RASGRP3: variants seen among roughly 807,000 people sequenced by gnomAD.
RASGRP3 encodes the protein RAS guanyl releasing protein 3.
RASGRP3 carries 54 observed loss-of-function variants against 82.7 expected under a neutral mutation model. The observed-to-expected ratio is 0.65, with a 90% CI of 0.52 to 0.82. The LOEUF is 0.82. Among genes scored for constraint, RASGRP3 ranks in the 40% least tolerant of loss-of-function variants. The probability of loss-of-function intolerance (pLI) is 0.00; values close to 1 mark genes in which losing one functional copy is unlikely to be tolerated. For missense variants in RASGRP3, 861 were observed against 828.9 expected (o/e 1.04, Z -0.48); for synonymous variants, 309 against 300.5 (o/e 1.03, Z -0.29).
Position 33,558,274 on chromosome 2 carries a change from C to G in RASGRP3, c.1643C>G (p.Ala548Gly), listed in dbSNP as rs1343701557. The G allele has an allele frequency of 6.2e-7, 1 of 1,613,306 alleles. No homozygotes were observed. Among genetic ancestry groups the G allele is most frequent in the Admixed American group, 1.7e-5 (1 of 59,898 alleles). The change falls in exon 16 of 18, where the codon GCC becomes GGC. Residue 548 changes from alanine (A) to glycine (G), a missense_variant. By Grantham distance (60) the Ala-to-Gly change is moderately conservative. Coordinates refer to ENST00000403687, the MANE Select transcript of RASGRP3 (RefSeq NM_001139488.2). Reference protein sequence around the residue: ...DLLVLACRRFARAPSLSSGHG... With the variant: ...DLLVLACRRFGRAPSLSSGHG... ...CTGGTTCTGGCCTGCAGGAGATTTG[C>G]CCGGGCGCCCTCCTTGAGCAGTGGT... is the stretch of plus-strand genomic sequence containing the variant.
At chr2:33,505,290 G>A (rs1015994568) in intron 1 of RASGRP3, among the ~76,000 whole-genome samples, 4 of 149,804 alleles carry the variant, frequency 2.7e-5, no homozygotes, top group Non-Finnish European at 4.4e-5. Context: ...CATTAGGACC[G>A]CAGACAGGAT....
At chr2:33,548,381 A>AAAAAAG (rs764069871) in intron 13 of RASGRP3, among the ~76,000 whole-genome samples, 3,982 of 127,428 alleles carry the variant, frequency 0.031, 250 homozygotes, top group Admixed American at 0.061. Context: ...AAAAAAAAAA[A>AAAAAAG]AAGAAGGTAG....
Position 33,539,091 on chromosome 2 carries a change from C to G in RASGRP3, c.1162-3C>G. Reference sequence around the variant, plus strand: ...AATATGTGGTTTTTTTTTTGTTTATCAGCAGCCTACCTCCCCTACGACGCC... The same window carrying G: ...AATATGTGGTTTTTTTTTTGTTTATGAGCAGCCTACCTCCCCTACGACGCC... On this transcript the variant is annotated splice_region_variant and splice_polypyrimidine_tract_variant and intron_variant, in intron 11 of 17. Transcript: ENST00000403687. 1 of 1,558,486 alleles carries G rather than the reference C, an allele frequency of 6.4e-7. No individual in the cohort carries two copies. The highest frequency in any genetic ancestry group is 8.7e-7 in the Non-Finnish European group (1 of 1,149,524).
Position 33,506,879 on chromosome 2 carries a change from G to A in RASGRP3, c.-260-4831G>A, listed in dbSNP as rs73926685. ...GAATGAACTTTGCCATAAGCACCAG[G>A]CCCATTTCTTATATTCATACTATCC... is the stretch of plus-strand genomic sequence containing the variant. On this transcript the variant is annotated intron_variant, in intron 1 of 17. Coordinates refer to ENST00000403687, the MANE Select transcript of RASGRP3 (RefSeq NM_001139488.2). Among the ~76,000 whole-genome samples, 1,039 of 152,242 alleles carry A rather than the reference G, an allele frequency of 6.8e-3. 14 individuals carry two copies. The highest frequency in any genetic ancestry group is 0.024 in the African/African-American group (1,002 of 41,540).
chr2:33,462,393 T>C (rs1293641554), intron 2 of RASGRP3, among the ~76,000 whole-genome samples: 1 of 151,600 alleles, frequency 6.6e-6, no homozygotes, highest in Non-Finnish European at 1.5e-5. Flanking sequence ...TCTTTTTTTT[T>C]TTTTAAGACA....
intron 2 of RASGRP3, among the ~76,000 whole-genome samples, chr2:33,457,801 C>T (rs1182840794): frequency 6.6e-6 from 1 of 152,006 alleles, no homozygotes; most frequent in Non-Finnish European, 1.5e-5. Flanking sequence ...TGTTCTTAAC[C>T]CTCACCACAC....
chr2:33,523,844 T>C (rs1365499477), intron 7 of RASGRP3, 35 bp from the exon 8 acceptor site: 2 of 1,557,422 alleles, frequency 1.3e-6, no homozygotes, highest in East Asian at 2.3e-5. Context: ...AAAGGCTCTA[T>C]TATAATTCAG....
intron 17 of RASGRP3, among the ~76,000 whole-genome samples, chr2:33,560,604 G>A (rs1031927994): frequency 6.6e-6 from 1 of 152,238 alleles, no homozygotes; most frequent in Admixed American, 6.5e-5. Flanking sequence ...TGTGCAAGAA[G>A]ATTTTCTGGA....
At chr2:33,562,015 G>C (rs1383956517) in intron 17 of RASGRP3, among the ~76,000 whole-genome samples, 1 of 152,038 alleles carries the variant, frequency 6.6e-6, no homozygotes, top group Non-Finnish European at 1.5e-5. Flanking sequence ...AAATAAAATG[G>C]AATATGTTTA....
At chr2:33,462,018 A>T (rs540540434) in intron 2 of RASGRP3, among the ~76,000 whole-genome samples, 1 of 152,248 alleles carries the variant, frequency 6.6e-6, no homozygotes, top group Non-Finnish European at 1.5e-5. Context: ...ATAACCTGGT[A>T]ATTAAAGTGA....
chr2:33,514,898 TGTACAAAGA>T, intron 2 of RASGRP3, 103 bp from the exon 3 acceptor site: 1 of 502,240 alleles, frequency 2.0e-6, no homozygotes. Context: ...ATACTTTTCT[TGTACAAAGA>T]TACAGTCTAT....
chr2:33,445,145 C>T (rs1353863839), intron 1 of RASGRP3, among the ~76,000 whole-genome samples: 1 of 152,220 alleles, frequency 6.6e-6, no homozygotes, highest in African/African-American at 2.4e-5. Context: ...CTTGGGGACT[C>T]TCATGCCAGT....
Position 33,558,076 on chromosome 2 carries a change from G to C in RASGRP3, c.1580-135G>C, listed in dbSNP as rs776078440. 1.6e-4 allele frequency: 186 copies of C among 1,188,926 alleles called. 1 individual carries two copies. The highest frequency in any genetic ancestry group is 1.9e-4 in the Non-Finnish European group (161 of 843,180). 73.6% of individuals were successfully genotyped at this position (1,188,926 alleles called of 1,614,324 possible). A position where few individuals can be genotyped will look rare whatever the true frequency, so the allele number is the denominator to read the frequency against. On this transcript the variant is annotated intron_variant, in intron 15 of 17. Coordinates refer to ENST00000403687, the MANE Select transcript of RASGRP3 (RefSeq NM_001139488.2). ...TTCCAGATCCTAGACACACCCCATG[G>C]GCCTGAGCTCAACTCTGAAATTCAA...
At chr2:33,442,754 A>G (rs1177334448) in intron 1 of RASGRP3, among the ~76,000 whole-genome samples, 1 of 152,248 alleles carries the variant, frequency 6.6e-6, no homozygotes. Context: ...GAAAACAATT[A>G]TGGGCAGACA....
intron 2 of RASGRP3, among the ~76,000 whole-genome samples, chr2:33,455,328 G>A (rs559934235): frequency 6.6e-6 from 1 of 152,232 alleles, no homozygotes; most frequent in South Asian, 2.1e-4. Context: ...GTAATGTTCT[G>A]GACTCAGTTA....
chr2:33,560,818 G>A (rs994165625), intron 17 of RASGRP3, among the ~76,000 whole-genome samples: 1 of 152,152 alleles, frequency 6.6e-6, no homozygotes, highest in Non-Finnish European at 1.5e-5. Flanking sequence ...AGTGAAATTG[G>A]CCATGAGCTC....
At chr2:33,466,079 C>T (rs868664622) in intron 2 of RASGRP3, among the ~76,000 whole-genome samples, 1 of 152,014 alleles carries the variant, frequency 6.6e-6, no homozygotes, top group Non-Finnish European at 1.5e-5. Flanking sequence ...TGTTTTTATG[C>T]CTGCTAACAC....
intron 1 of RASGRP3, among the ~76,000 whole-genome samples, chr2:33,447,259 A>G (rs990255900): frequency 6.6e-6 from 1 of 152,164 alleles, no homozygotes; most frequent in African/African-American, 2.4e-5. Flanking sequence ...GAGATTATGT[A>G]TGTAGCCCAA....
intron 1 of RASGRP3, chr2:33,481,230 C>G (rs1443178570): frequency 6.6e-6 from 1 of 151,962 alleles, no homozygotes; most frequent in Non-Finnish European, 1.5e-5. Context: ...GGCACGATCT[C>G]GGCTCACTGC....
Sources: gnomAD v4.1 joint callset for allele counts (sites outside exome capture counted in the v4.1 genomes callset) on GRCh38, gnomAD v4.1.1 for gene constraint, MANE v1.5 for transcripts, NCBI Gene and HGNC (gene_info 2026-07-23, HGNC 2026-07-21) for gene names.